STAM: variants seen among roughly 807,000 people sequenced by gnomAD.
STAM encodes signal transducing adaptor molecule.
In STAM, 16 loss-of-function variants were observed where a neutral mutation model predicts 63.4. The ratio of observed to expected loss-of-function variants is 0.25; its 90% CI spans 0.17 to 0.38. The LOEUF is 0.38. Ranked by LOEUF, STAM falls within the 10% of genes least tolerant of loss-of-function variation. The pLI, the probability that STAM is intolerant of heterozygous loss-of-function variation, is 1.00. For synonymous variants in STAM, 238 were observed against 223.9 expected (o/e 1.06, Z -0.56); for missense variants, 636 against 657.1 (o/e 0.97, Z 0.35).
chr10:17,689,031 T>G (rs1835419103), intron 5 of STAM, among the ~76,000 whole-genome samples: 1 of 152,196 alleles, frequency 6.6e-6, no homozygotes, highest in Admixed American at 6.5e-5. Flanking sequence ...ACATAAGTCT[T>G]CCTTTCCCCA....
At chr10:17,684,111 G>A (rs996611412) in intron 2 of STAM, among the ~76,000 whole-genome samples, 2 of 152,102 alleles carry the variant, frequency 1.3e-5, no homozygotes, top group Non-Finnish European at 2.9e-5. Flanking sequence ...ATCGCCCTCG[G>A]TCACTTTTTG....
At chr10:17,678,341 A>G (rs1439609562) in intron 2 of STAM, among the ~76,000 whole-genome samples, 1 of 151,344 alleles carries the variant, frequency 6.6e-6, no homozygotes. Context: ...TGTAACCTGC[A>G]CCTCCCAGGT....
chr10:17,669,982 G>A (rs1332282386), intron 2 of STAM, among the ~76,000 whole-genome samples: 3 of 147,828 alleles, frequency 2.0e-5, no homozygotes, highest in Non-Finnish European at 4.4e-5. Context: ...CGCCCATCTC[G>A]GCCTCCCAAA....
intron 1 of STAM, among the ~76,000 whole-genome samples, chr10:17,648,014 A>G (rs895546922): frequency 1.5e-4 from 18 of 120,102 alleles, no homozygotes; most frequent in African/African-American, 5.6e-4. Context: ...TTCTCAGTAG[A>G]CGACAACATG....
intron 13 of STAM, among the ~76,000 whole-genome samples, chr10:17,712,368 A>G (rs1343901984): frequency 6.6e-6 from 1 of 152,228 alleles, no homozygotes; most frequent in South Asian, 2.1e-4. Flanking sequence ...ACCATTGTCA[A>G]TAATAGTATG....
At position 17,690,144 on chromosome 10, in the gene STAM, C is replaced by CA. The variant is rs533967762; in HGVS notation, c.444+1972dup. On this transcript the variant is annotated intron_variant, in intron 5 of 13. Transcript: ENST00000377524. ...AAGTGACTTGCCCAGGGACACAGCT[C>CA]ATAGTTGACAGCTGGAACTAGAACA... 5.4e-3 allele frequency among the ~76,000 whole-genome samples: 818 copies of CA among 152,302 alleles called. 5 individuals are homozygous for CA. The highest frequency in any genetic ancestry group is 6.8e-3 in the South Asian group (33 of 4,824).
At chr10:17,684,976 A>G in intron 4 of STAM, 49 bp downstream of exon 4, 2 of 1,472,944 alleles carry the variant, frequency 1.4e-6, no homozygotes, top group East Asian at 2.3e-5. Context: ...TTCTTTCTTC[A>G]CATATTTTAT....
At chr10:17,647,012 A>C (rs1833544922) in intron 1 of STAM, among the ~76,000 whole-genome samples, 2 of 152,236 alleles carry the variant, frequency 1.3e-5, no homozygotes, top group South Asian at 2.1e-4. Flanking sequence ...TTTTATAAAG[A>C]GACACAATGC....
intron 2 of STAM, among the ~76,000 whole-genome samples, chr10:17,666,291 A>G (rs1278382306): frequency 2.6e-5 from 4 of 152,166 alleles, no homozygotes; most frequent in African/African-American, 9.7e-5. Flanking sequence ...ACAGAATGAG[A>G]AAGATCATAT....
chr10:17,711,740 G>A (rs146222635), intron 13 of STAM, among the ~76,000 whole-genome samples: 27 of 152,278 alleles, frequency 1.8e-4, no homozygotes, highest in Non-Finnish European at 2.8e-4. Context: ...GGTTGAAAGC[G>A]TGTAGGGGAG....
chr10:17,712,492 T>C (rs1306302588), intron 13 of STAM, among the ~76,000 whole-genome samples: 23 of 152,230 alleles, frequency 1.5e-4, no homozygotes, highest in African/African-American at 5.5e-4. Context: ...CCGTCTCTTA[T>C]AATAAATTAC....
chr10:17,689,218 C>T (rs1237703133), intron 5 of STAM, among the ~76,000 whole-genome samples: 1 of 152,164 alleles, frequency 6.6e-6, no homozygotes, highest in Non-Finnish European at 1.5e-5. Flanking sequence ...AAAATATGTG[C>T]TGATTTACTA....
chr10:17,707,932 C>T (rs1836369617), intron 12 of STAM, among the ~76,000 whole-genome samples: 2 of 151,642 alleles, frequency 1.3e-5, no homozygotes, highest in Non-Finnish European at 2.9e-5. Flanking sequence ...GCTTTGTCGC[C>T]CAGGCTGGAG....
At chr10:17,689,080 C>T (rs1429277401) in intron 5 of STAM, among the ~76,000 whole-genome samples, 8 of 152,156 alleles carry the variant, frequency 5.3e-5, no homozygotes, top group East Asian at 1.9e-4. Context: ...CTCTCCTGTC[C>T]ACCCTTGTGC....
chr10:17,706,369 C>CCTTTTTTTTTTTTTTTTTTTTTT (rs1564570967), intron 12 of STAM, among the ~76,000 whole-genome samples: 1 of 70,184 alleles, frequency 1.4e-5, no homozygotes. Flanking sequence ...GGTTGAGGCC[C>CCTTTTTTTTTTTTTTTTTTTTTT]TTTTTTTTTT....
At chr10:17,672,240 T>G (rs1003569275) in intron 2 of STAM, among the ~76,000 whole-genome samples, 2 of 152,212 alleles carry the variant, frequency 1.3e-5, no homozygotes, top group African/African-American at 4.8e-5. Context: ...AGTATACCTA[T>G]AAGTAGATAG....
At position 17,708,835 on chromosome 10, in the gene STAM, C is replaced by G; in HGVS notation, c.1269C>G (p.Ser423Arg). 2 of 1,614,128 alleles carry G rather than the reference C, an allele frequency of 1.2e-6. No individual in the cohort carries two copies. Residue 423 changes from serine (S) to arginine (R), a missense_variant, in exon 13 of 14, where the codon AGC (serine) becomes AGG (arginine). Coordinates refer to ENST00000377524, the MANE Select transcript of STAM (RefSeq NM_003473.4). ...AYLVAGNAQM[S>R]HLQSYSLPPE... ...TGGTTGCAGGGAACGCGCAGATGAG[C>G]CACCTCCAGAGCTACAGTCTTCCCC...
At chr10:17,669,079 C>G (rs1461851903) in intron 2 of STAM, among the ~76,000 whole-genome samples, 1 of 152,142 alleles carries the variant, frequency 6.6e-6, no homozygotes, top group Non-Finnish European at 1.5e-5. Flanking sequence ...ACATTCAAGT[C>G]TTTGATCTAT....
Position 17,705,006 on chromosome 10 carries a change from AG to A in STAM, c.1038del (p.Lys346AsnfsTer17), listed in dbSNP as rs1554829038. The A allele has an allele frequency of 6.2e-7, 1 of 1,613,434 alleles. No individual in the cohort carries two copies. Among genetic ancestry groups the A allele is most frequent in the Non-Finnish European group, 8.5e-7 (1 of 1,179,686 alleles). On this transcript the variant is annotated frameshift_variant, in exon 11 of 14. Transcript: ENST00000377524. LOFTEE classifies it high-confidence loss of function. ...CHQMGPLIDEKLEDIDRKHSE... is the reference protein window; with the variant it reads ...CHQMGPLIDEXLEDIDRKHSE... The stretch of plus-strand genomic sequence containing the variant: ...CAGATGGGACCTCTCATTGATGAAA[AG>A]CTGGAAGATATTGATAGGTAAAAGA...
Sources: allele counts gnomAD v4.1 joint callset (sites outside exome capture counted in the v4.1 genomes callset), GRCh38; gene constraint gnomAD v4.1.1; transcripts MANE v1.5; gene names NCBI Gene and HGNC (gene_info 2026-07-23, HGNC 2026-07-21).